Variants in ST3GAL3 observed in about 807,000 individuals in gnomAD.
ST3GAL3 encodes the protein CMP-N-acetylneuraminate-beta-1,4-galactoside alpha-2,3-sialyltransferase.
In ST3GAL3, 21 loss-of-function variants were observed where a neutral mutation model predicts 50.1. The observed-to-expected ratio is 0.42, with a 90% CI of 0.30 to 0.60. The LOEUF (loss-of-function observed/expected upper bound fraction) is 0.60. Among genes scored for constraint, ST3GAL3 ranks in the 20% least tolerant of loss-of-function variants. The pLI, the probability that ST3GAL3 is intolerant of heterozygous loss-of-function variation, is 0.19. For synonymous variants in ST3GAL3, 183 were observed against 190.0 expected (o/e 0.96, Z 0.30); for missense variants, 353 against 489.4 (o/e 0.72, Z 2.63).
chr1:43,877,616 G>A (rs1450904265), intron 5 of ST3GAL3, among the ~76,000 whole-genome samples: 1 of 152,184 alleles, frequency 6.6e-6, no homozygotes, highest in East Asian at 1.9e-4. Context: ...TATAAGTCTT[G>A]AGCTCCGGAT....
chr1:43,906,868 G>A (rs1241696368), intron 9 of ST3GAL3, among the ~76,000 whole-genome samples: 1 of 152,144 alleles, frequency 6.6e-6, no homozygotes, highest in Non-Finnish European at 1.5e-5. Flanking sequence ...AAGAAACTAG[G>A]GTACAGAGAG....
At chr1:43,905,605 T>C (rs61727501) in intron 9 of ST3GAL3, among the ~76,000 whole-genome samples, 137 of 4,164 alleles carry the variant, frequency 0.033, 14 homozygotes, top group Non-Finnish European at 0.058. Flanking sequence ...CGCCACTGTT[T>C]CTCCCCCTCC....
rs1289809609 is a variant in ST3GAL3 at position 43,730,364 on chromosome 1, G to A, written c.-30-5869G>A. 3.3e-5 allele frequency among the ~76,000 whole-genome samples: 5 copies of A among 152,202 alleles called. No homozygotes were observed. The South Asian group carries it at 8.3e-4, about 25-fold the overall frequency. On this transcript the variant is annotated intron_variant, in intron 1 of 11. Transcript: ENST00000347631. ...TGCATTTGGCACAGAAAGGAGAGGG[G>A]TGGTGCCAGCCACTTCTGCCCCCTT...
At chr1:43,844,825 TAA>T (rs372453242) in intron 5 of ST3GAL3, among the ~76,000 whole-genome samples, 39 of 130,138 alleles carry the variant, frequency 3.0e-4, no homozygotes, top group Non-Finnish European at 2.8e-4. Flanking sequence ...AGACTCCGTC[TAA>T]AAAAAAAAAA....
chr1:43,783,261 C>T (rs1699938972), intron 2 of ST3GAL3, among the ~76,000 whole-genome samples: 1 of 152,214 alleles, frequency 6.6e-6, no homozygotes, highest in Admixed American at 6.5e-5. Flanking sequence ...TGCCCTCGAC[C>T]TCTTCTGGGT....
intron 2 of ST3GAL3, chr1:43,738,888 T>TATAG (rs1431321309): frequency 6.6e-6 from 1 of 152,190 alleles, no homozygotes; most frequent in Non-Finnish European, 1.5e-5. Context: ...GTTTTAATAA[T>TATAG]ACTGATGATG....
intron 9 of ST3GAL3, among the ~76,000 whole-genome samples, chr1:43,902,182 G>A (rs930411151): frequency 2.0e-5 from 3 of 152,224 alleles, no homozygotes; most frequent in Non-Finnish European, 4.4e-5. Flanking sequence ...GATGTTTCCA[G>A]TCATACAGCC....
At chr1:43,720,680 C>A (rs1669976070) in intron 1 of ST3GAL3, 1 of 152,156 alleles carries the variant, frequency 6.6e-6, no homozygotes, top group East Asian at 1.9e-4. Flanking sequence ...TCTCATTAGG[C>A]TTCACCTCCC....
intron 2 of ST3GAL3, among the ~76,000 whole-genome samples, chr1:43,760,472 C>T (rs1314512361): frequency 6.6e-6 from 1 of 152,170 alleles, no homozygotes; most frequent in African/African-American, 2.4e-5. Flanking sequence ...AAGATCTATT[C>T]AGGCCAGGCG....
intron 9 of ST3GAL3, chr1:43,920,020 C>T: frequency 2.8e-6 from 1 of 354,408 alleles, no homozygotes; most frequent in Non-Finnish European, 5.4e-6. Context: ...AGAGGGCAGG[C>T]ACCTCCCAGC....
At chr1:43,841,466 G>A (rs747463190) in intron 5 of ST3GAL3, 1 of 152,226 alleles carries the variant, frequency 6.6e-6, no homozygotes, top group Non-Finnish European at 1.5e-5. Flanking sequence ...CCACATGGAA[G>A]CTGTCAAAGT....
intron 5 of ST3GAL3, among the ~76,000 whole-genome samples, chr1:43,861,205 A>G (rs1325221205): frequency 6.6e-6 from 1 of 152,234 alleles, no homozygotes; most frequent in East Asian, 1.9e-4. Context: ...AACCTTGGAC[A>G]AGCCCTTAGT....
At chr1:43,846,809 T>A (rs944686538) in intron 5 of ST3GAL3, among the ~76,000 whole-genome samples, 1 of 152,206 alleles carries the variant, frequency 6.6e-6, no homozygotes, top group African/African-American at 2.4e-5. Flanking sequence ...TATTTATTTT[T>A]GTTTGAAATA....
At chr1:43,888,929 T>A (rs2076330199) in intron 5 of ST3GAL3, among the ~76,000 whole-genome samples, 1 of 152,186 alleles carries the variant, frequency 6.6e-6, no homozygotes, top group African/African-American at 2.4e-5. Flanking sequence ...CTTTTAGGAA[T>A]CTATTTCAAA....
chr1:43,720,245 T>C (rs1216603491), intron 1 of ST3GAL3, among the ~76,000 whole-genome samples: 1 of 152,048 alleles, frequency 6.6e-6, no homozygotes, highest in African/African-American at 2.4e-5. Flanking sequence ...AAAAAAAGAA[T>C]AAGTGTTAGA....
chr1:43,875,403 G>A (rs1185346382), intron 5 of ST3GAL3, among the ~76,000 whole-genome samples: 2 of 152,010 alleles, frequency 1.3e-5, no homozygotes, highest in Non-Finnish European at 2.9e-5. Context: ...ACTGGAGGAG[G>A]GGAGGCCAAG....
At chr1:43,847,626 G>A (rs1324493868) in intron 5 of ST3GAL3, among the ~76,000 whole-genome samples, 1 of 152,184 alleles carries the variant, frequency 6.6e-6, no homozygotes, top group Non-Finnish European at 1.5e-5. Context: ...TCCATGTGCT[G>A]GGAGGAGGGA....
At chr1:43,850,747 A>C (rs1179812377) in intron 5 of ST3GAL3, 1 of 772,308 alleles carries the variant, frequency 1.3e-6, no homozygotes, top group Non-Finnish European at 2.4e-6. Flanking sequence ...AGAGCTCTGC[A>C]GTTGGCCACC....
At chr1:43,777,985 C>G (rs982528756) in intron 2 of ST3GAL3, among the ~76,000 whole-genome samples, 7 of 152,186 alleles carry the variant, frequency 4.6e-5, no homozygotes, top group African/African-American at 1.7e-4. Context: ...CTCATACGTT[C>G]ACTGCAACAC....
Sources: gnomAD v4.1 joint callset for allele counts (sites outside exome capture counted in the v4.1 genomes callset) on GRCh38, gnomAD v4.1.1 for gene constraint, MANE v1.5 for transcripts, NCBI Gene and HGNC (gene_info 2026-07-23, HGNC 2026-07-21) for gene names.